HERC2: variants seen among roughly 807,000 people sequenced by gnomAD.
The protein encoded by HERC2 is E3 ubiquitin-protein ligase HERC2.
HERC2 carries 102 observed loss-of-function variants against 537.7 expected under a neutral mutation model. That is an observed-to-expected ratio of 0.19 (90% confidence interval 0.16 to 0.22). The LOEUF (loss-of-function observed/expected upper bound fraction) is 0.22, where lower values mean the gene tolerates loss of function less well. HERC2 is among the 10% of genes least tolerant of loss of function. The pLI is 1.00. For synonymous variants in HERC2, 2,224 were observed against 2,466.2 expected (o/e 0.90, Z 2.91); for missense variants, 4,236 against 6,198.2 (o/e 0.68, Z 10.63).
chr15:28,144,569 G>A, intron 72 of HERC2, 104 bp downstream of exon 72: 2 of 1,486,956 alleles, frequency 1.3e-6, no homozygotes, highest in Non-Finnish European at 1.9e-6. Flanking sequence ...ACAGCAGAAG[G>A]CAGGCTGTCA....
intron 35 of HERC2, among the ~76,000 whole-genome samples, chr15:28,223,179 A>G (rs1471789356): frequency 1.3e-5 from 2 of 152,098 alleles, no homozygotes; most frequent in Non-Finnish European, 2.9e-5. Flanking sequence ...GTCACCTGAG[A>G]GCAGTAAAAC....
chr15:28,112,308 G>A lies in HERC2; in HGVS notation c.14233-273C>T, dbSNP rs146769359. 1.1e-3 allele frequency among the ~76,000 whole-genome samples: 163 copies of A among 152,250 alleles called. 2 individuals carry two copies. The highest frequency in any genetic ancestry group is 3.6e-3 in the African/African-American group (149 of 41,544). On this transcript the variant is annotated intron_variant, in intron 92 of 92. Coordinates refer to ENST00000261609, the MANE Select transcript of HERC2 (RefSeq NM_004667.6). Reference sequence around the variant, plus strand: ...ACACCACCTGTGTGGATGCGGGGCGGCCTGGCTGGCGGAGGACCAGGCACG... The same window carrying A: ...ACACCACCTGTGTGGATGCGGGGCGACCTGGCTGGCGGAGGACCAGGCACG...
rs367765229 is a variant in HERC2, at chr15:28,121,394, C to G, written c.13224G>C (p.Met4408Ile). The change falls in exon 86 of 93, where the codon ATG (methionine) becomes ATC (isoleucine). Residue 4408 changes from methionine (M) to isoleucine (I), a missense_variant. By Grantham distance (10) the Met-to-Ile change is conservative. Around this residue, in one of 27 missense-constraint regions of HERC2, gnomAD observed 189 missense variants for 255.7 expected, o/e 0.74. Transcript: ENST00000261609. Reference sequence around the variant, plus strand: ...CGGGGCCATGCTGACGATCGCGTACCATAGTTGCTTGTACTACTTTCCGGA... The same window carrying G: ...CGGGGCCATGCTGACGATCGCGTACGATAGTTGCTTGTACTACTTTCCGGA... ...AAFRKVVQAT[M>I]VRDRQHGPVV... 1.9e-6 allele frequency: 3 copies of G among 1,614,100 alleles called. No homozygotes were observed. The African/African-American group carries it at 4.0e-5, about 22-fold the overall frequency.
At chr15:28,283,032 CAAAAAAAAA>C (rs35092122) in intron 4 of HERC2, among the ~76,000 whole-genome samples, 5 of 47,430 alleles carry the variant, frequency 1.1e-4, no homozygotes, top group African/African-American at 3.1e-4. Flanking sequence ...AATGTCCCAG[CAAAAAAAAA>C]AAAAAAAAAA....
At position 28,113,146 on chromosome 15, in the gene HERC2, G is replaced by A. The variant is rs750000503; in HGVS notation, c.14157C>T (p.Phe4719=). 1.3e-5 allele frequency: 21 copies of A among 1,613,912 alleles called. No homozygotes were observed. In the Admixed American group the frequency reaches 3.3e-4, roughly 26 times the overall value. The change falls in exon 92 of 93, where the codon TTC becomes TTT. Residue 4719 remains phenylalanine, a synonymous_variant. Coordinates refer to ENST00000261609, the MANE Select transcript of HERC2 (RefSeq NM_004667.6). This position sits in a 1 kb window ranked among gnomAD's most constrained non-coding sequence, Gnocchi z 7.0. The stretch of plus-strand genomic sequence containing the variant: ...TCGTCCGGCCCCAGACGAAGCGAAG[G>A]AAAAGAGAGCGCTCTGTGTTGGAGA... ...ESFSNTERSL[F]LRFVWGRTRL...
At chr15:28,220,401 C>T (rs1596265610) in intron 37 of HERC2, 51 bp downstream of exon 37, 4 of 1,538,924 alleles carry the variant, frequency 2.6e-6, no homozygotes, top group African/African-American at 1.4e-5. Context: ...CAGCCAGCAC[C>T]TGGACAGTTT....
At position 28,308,070 on chromosome 15, in the gene HERC2, T is replaced by G. The variant is rs2076841176; in HGVS notation, c.73-8554A>C. ...TTCAACATGAATTTTAGGATTTTTT[T>G]TTTTTCTGTTTCTGTGAAGAATGTC... On this transcript the variant is annotated intron_variant, in intron 2 of 92. Coordinates refer to ENST00000261609, the MANE Select transcript of HERC2 (RefSeq NM_004667.6). Among the ~76,000 whole-genome samples the G allele has an allele frequency of 1.3e-5, 2 of 152,212 alleles. 1 individual carries two copies. The highest frequency in any genetic ancestry group is 4.1e-4 in the South Asian group (2 of 4,834).
In HERC2 at chr15:28,186,678, G is replaced by T. The variant is rs1384520330; in HGVS notation, c.8724C>A (p.Ile2908=). The T allele has an allele frequency of 6.2e-7, 1 of 1,613,888 alleles. No individual in the cohort carries two copies. The highest frequency in any genetic ancestry group is 1.7e-5 in the Admixed American group (1 of 59,996). Residue 2908 remains isoleucine (I), a synonymous_variant, in exon 56 of 93, where the codon ATC becomes ATA. Transcript: ENST00000261609. The part of the protein sequence containing the change: ...SGIDCKIHGL[I]LLGRIRAEEE... ...CTTCTGCACGGATCCGTCCCAGCAG[G>T]ATGAGACCATGGATTTTACAATCGA...
At chr15:28,126,584 C>T (rs911631726) in intron 83 of HERC2, among the ~76,000 whole-genome samples, 1 of 152,158 alleles carries the variant, frequency 6.6e-6, no homozygotes, top group Non-Finnish European at 1.5e-5. Context: ...TTTGCCACAA[C>T]CTGGATGGGA....
chr15:28,215,161 G>A (rs1365168357), intron 39 of HERC2, among the ~76,000 whole-genome samples: 2 of 152,154 alleles, frequency 1.3e-5, no homozygotes, highest in Non-Finnish European at 2.9e-5. Flanking sequence ...ACAGGCATGA[G>A]CCACTGCGCC....
Position 28,168,388 on chromosome 15 carries a change from G to A in HERC2, c.10413+19C>T, listed in dbSNP as rs1376789289. On this transcript the variant is annotated intron_variant, in intron 67 of 92. Transcript: ENST00000261609. ...ACCTTTTCCTTTCTGATCTAACATT[G>A]CTTTAGATTCGCTTTTACCTCTCTC... 14 of 1,608,520 alleles carry A rather than the reference G, an allele frequency of 8.7e-6. No homozygotes were observed. Among genetic ancestry groups the A allele is most frequent in the Non-Finnish European group, 1.1e-5 (13 of 1,176,104 alleles).
At position 28,268,686 on chromosome 15, in the gene HERC2, T is replaced by A; in HGVS notation, c.1447-70A>T. 1 of 1,310,878 alleles carries A rather than the reference T, an allele frequency of 7.6e-7. No homozygotes were observed. Among genetic ancestry groups the A allele is most frequent in the Non-Finnish European group, 1.1e-6 (1 of 936,388 alleles). The allele number at this position is 1,310,878 out of a possible 1,614,324, so 81.2% of individuals were successfully genotyped here. A position where few individuals can be genotyped will look rare whatever the true frequency, so the allele number is the denominator to read the frequency against. On this transcript the variant is annotated intron_variant, in intron 11 of 92. Transcript: ENST00000261609. The surrounding 1 kb of genome is among the most constrained non-coding windows in gnomAD (Gnocchi z 4.7). ...AAAATGAAACCAGCTCAGCTCTCCG[T>A]TATCATGTATCCCCAAGCAAAGCCT... is the stretch of plus-strand genomic sequence containing the variant.
intron 4 of HERC2, among the ~76,000 whole-genome samples, chr15:28,291,388 C>T (rs73364718): frequency 6.6e-6 from 1 of 151,772 alleles, no homozygotes; most frequent in Non-Finnish European, 1.5e-5. Context: ...CCATGGCAGG[C>T]GTCACAAATT....
chr15:28,168,375 CT>C, intron 67 of HERC2, 31 bp downstream of exon 67: 2 of 1,598,378 alleles, frequency 1.3e-6, no homozygotes, highest in Non-Finnish European at 1.7e-6. Context: ...CTTTTCCTTT[CT>C]GATCTAACAT....
At chr15:28,153,471 C>T (rs1251162328) in intron 69 of HERC2, among the ~76,000 whole-genome samples, 8 of 151,834 alleles carry the variant, frequency 5.3e-5, no homozygotes, top group African/African-American at 4.8e-5. Flanking sequence ...CTGGCCAGTA[C>T]GGTGAAACCC....
chr15:28,296,716 G>A (rs2076480676), intron 3 of HERC2, among the ~76,000 whole-genome samples: 1 of 144,768 alleles, frequency 6.9e-6, no homozygotes, highest in Admixed American at 6.9e-5. Context: ...AAAGGTTGCT[G>A]ATTCCTGTCT....
At chr15:28,316,781 G>T (rs34086791) in intron 2 of HERC2, among the ~76,000 whole-genome samples, 25,809 of 151,208 alleles carry the variant, frequency 0.17, 2,142 homozygotes, top group East Asian at 0.44. Flanking sequence ...TCTACTGATC[G>T]TTTTTATTTT....
At chr15:28,319,305 G>A in intron 2 of HERC2, among the ~76,000 whole-genome samples, 1 of 152,070 alleles carries the variant, frequency 6.6e-6, no homozygotes, top group Non-Finnish European at 1.5e-5. Flanking sequence ...TTTTTTTTTG[G>A]CCAGGTGCAG....
chr15:28,121,247 C>A (rs1476097840), intron 86 of HERC2, 99 bp downstream of exon 86: 6 of 1,049,626 alleles, frequency 5.7e-6, no homozygotes, highest in Non-Finnish European at 7.4e-6. Flanking sequence ...TTGGGGTGCA[C>A]AGGATGGCAG....
Sources: gnomAD v4.1 joint callset for allele counts (sites outside exome capture counted in the v4.1 genomes callset) on GRCh38, gnomAD v4.1.1 for gene constraint, gnomAD v4.1.1 regional missense constraint, Gnocchi (gnomAD v3.1) non-coding constraint, MANE v1.5 for transcripts, NCBI Gene and HGNC (gene_info 2026-07-23, HGNC 2026-07-21) for gene names.